ENPEP: variants seen among roughly 807,000 people sequenced by gnomAD.
ENPEP encodes the protein AP-A.
A neutral mutation model predicts 114.5 loss-of-function variants in ENPEP; 103 were observed. That is an observed-to-expected ratio of 0.90 (90% CI 0.77 to 1.06). The LOEUF (loss-of-function observed/expected upper bound fraction) is 1.06, where lower values mean the gene tolerates loss of function less well. Among genes scored for constraint, ENPEP ranks in the 50% least tolerant of loss-of-function variants. ENPEP has a pLI of 0.00. For synonymous variants in ENPEP, 420 were observed against 422.0 expected (o/e 1.00, Z 0.06); for missense variants, 1,196 against 1,161.3 (o/e 1.03, Z -0.43).
At chr4:110,477,407 C>G (rs1473462832) in intron 1 of ENPEP, among the ~76,000 whole-genome samples, 6 of 152,090 alleles carry the variant, frequency 3.9e-5, no homozygotes, top group African/African-American at 1.4e-4. Context: ...AGTGATATTC[C>G]CAGGCTATGT....
rs746607272 is a variant in ENPEP, at chr4:110,510,299, G to A, written c.1249G>A (p.Gly417Arg). 1.2e-5 allele frequency: 20 copies of A among 1,614,072 alleles called. 1 individual carries two copies. The Admixed American group carries it at 3.2e-4, about 26-fold the overall frequency. ...GTGGGAAGACTTGTGGCTAAATGAAGGATTTGCTTCTTTCTTTGAGTTTCT... is the reference window on the plus strand; with the variant it reads ...GTGGGAAGACTTGTGGCTAAATGAAAGATTTGCTTCTTTCTTTGAGTTTCT... ...DWWEDLWLNE[G>R]FASFFEFLGV... Residue 417 changes from glycine (G) to arginine (R), a missense_variant, in exon 6 of 20, where the codon GGA becomes AGA. Coordinates refer to ENST00000265162, the MANE Select transcript of ENPEP (RefSeq NM_001977.4).
At chr4:110,543,171 T>A in intron 13 of ENPEP, 101 bp downstream of exon 13, 1 of 1,116,872 alleles carries the variant, frequency 9.0e-7, no homozygotes, top group Non-Finnish European at 1.3e-6. Flanking sequence ...AATTTTAGCT[T>A]AAAATATCCA....
chr4:110,516,677 C>CACTT (rs1209557266), intron 8 of ENPEP, among the ~76,000 whole-genome samples: 1 of 152,216 alleles, frequency 6.6e-6, no homozygotes, highest in East Asian at 1.9e-4. Flanking sequence ...CTCTACACTA[C>CACTT]TCTAAAAGAA....
chr4:110,542,967 C>T (rs774598411), intron 12 of ENPEP, 48 bp from the exon 13 acceptor site: 5 of 1,610,014 alleles, frequency 3.1e-6, no homozygotes, highest in Non-Finnish European at 3.4e-6. Context: ...TTTCAACATG[C>T]TTTGCCTTAA....
At chr4:110,537,932 G>A (rs1726703205) in intron 11 of ENPEP, among the ~76,000 whole-genome samples, 1 of 152,128 alleles carries the variant, frequency 6.6e-6, no homozygotes, top group South Asian at 2.1e-4. Flanking sequence ...ATCTTTTTTG[G>A]TGAGCAGCAG....
chr4:110,480,551 G>A (rs1211458424), intron 1 of ENPEP, among the ~76,000 whole-genome samples: 2 of 152,224 alleles, frequency 1.3e-5, no homozygotes, highest in Admixed American at 6.5e-5. Flanking sequence ...AACGTAAAAT[G>A]TAACTCCAGG....
intron 1 of ENPEP, among the ~76,000 whole-genome samples, chr4:110,483,565 C>T (rs1213187691): frequency 2.0e-5 from 3 of 152,102 alleles, no homozygotes; most frequent in Non-Finnish European, 2.9e-5. Context: ...ATCTGATCCA[C>T]TCAGAGATGC....
chr4:110,497,870 A>C (rs534778288), intron 3 of ENPEP, among the ~76,000 whole-genome samples: 1 of 152,356 alleles, frequency 6.6e-6, no homozygotes, highest in African/African-American at 2.4e-5. Context: ...CTTTCAACTA[A>C]GTACCCTCCT....
At chr4:110,528,087 T>G (rs1726265384) in intron 10 of ENPEP, among the ~76,000 whole-genome samples, 1 of 152,234 alleles carries the variant, frequency 6.6e-6, no homozygotes, top group South Asian at 2.1e-4. Context: ...ACATTTATAC[T>G]GTCTTTAATA....
chr4:110,507,155 G>A (rs966106388), intron 4 of ENPEP, among the ~76,000 whole-genome samples: 3 of 152,068 alleles, frequency 2.0e-5, no homozygotes, highest in African/African-American at 7.2e-5. Context: ...AAAATAATAG[G>A]GATAAATGAT....
chr4:110,559,766 A>G (rs1727615889), intron 19 of ENPEP, 41 bp downstream of exon 19: 1 of 1,527,548 alleles, frequency 6.5e-7, no homozygotes, highest in African/African-American at 1.4e-5. Context: ...AAGAAGGAGC[A>G]GAATGAAACT....
intron 11 of ENPEP, among the ~76,000 whole-genome samples, chr4:110,539,577 A>C (rs1317230690): frequency 6.6e-6 from 1 of 152,120 alleles, no homozygotes; most frequent in East Asian, 1.9e-4. Flanking sequence ...AAATAAATTG[A>C]GATGGGGGTC....
intron 11 of ENPEP, among the ~76,000 whole-genome samples, chr4:110,540,075 A>T (rs1726795724): frequency 6.6e-6 from 1 of 152,166 alleles, no homozygotes; most frequent in Non-Finnish European, 1.5e-5. Context: ...TAACTCATTC[A>T]ATACTTTTTG....
intron 1 of ENPEP, 61 bp from the exon 2 acceptor site, chr4:110,488,480 G>C: frequency 1.3e-6 from 2 of 1,505,118 alleles, no homozygotes; most frequent in Non-Finnish European, 1.8e-6. Flanking sequence ...TAGGAATAGA[G>C]ACATAGGGGT....
At chr4:110,500,319 A>G (rs901028820) in intron 3 of ENPEP, among the ~76,000 whole-genome samples, 1 of 152,212 alleles carries the variant, frequency 6.6e-6, no homozygotes, top group African/African-American at 2.4e-5. Context: ...GTTAAAGCAG[A>G]TATGTCTTAC....
intron 3 of ENPEP, among the ~76,000 whole-genome samples, chr4:110,491,977 C>T (rs1434705959): frequency 6.6e-6 from 1 of 152,014 alleles, no homozygotes. Flanking sequence ...GGCCTTGGCC[C>T]CCTGAAGTGC....
At position 110,552,693 on chromosome 4, in the gene ENPEP, T is replaced by A. The variant is rs561262188; in HGVS notation, c.2502-622T>A. 1.5e-3 allele frequency among the ~76,000 whole-genome samples: 226 copies of A among 152,276 alleles called. 3 individuals carry two copies. The highest frequency in any genetic ancestry group is 0.014 in the Admixed American group (214 of 15,282). On this transcript the variant is annotated intron_variant, in intron 17 of 19. Transcript: ENST00000265162. ...TTCAATACAATATACACTTGTAAGATCTTGGGCTAGAAACGCTACTCTAGG... is the reference window on the plus strand; with the variant it reads ...TTCAATACAATATACACTTGTAAGAACTTGGGCTAGAAACGCTACTCTAGG...
chr4:110,510,466 G>A lies in ENPEP; in HGVS notation c.1308+108G>A, dbSNP rs1725533182. The A allele has an allele frequency of 5.5e-6, 5 of 911,860 alleles. No homozygotes were observed. The East Asian group carries it at 1.0e-4, about 19-fold the overall frequency. The allele number at this position is 911,860 out of a possible 1,614,324, so 56.5% of individuals were successfully genotyped here. Reference sequence around the variant, plus strand: ...CGAGTCAGATGGCAAGTACAGTGGTGAGCGGGGAATTCCACTGTGAGGATA... The same window carrying A: ...CGAGTCAGATGGCAAGTACAGTGGTAAGCGGGGAATTCCACTGTGAGGATA... On this transcript the variant is annotated intron_variant, in intron 6 of 19. Transcript: ENST00000265162.
At chr4:110,484,685 G>C (rs1335882059) in intron 1 of ENPEP, among the ~76,000 whole-genome samples, 6 of 149,378 alleles carry the variant, frequency 4.0e-5, no homozygotes, top group African/African-American at 1.5e-4. Flanking sequence ...GAGAAGGTGA[G>C]AAAAGGATTG....
Sources: gnomAD v4.1 joint callset for allele counts (sites outside exome capture counted in the v4.1 genomes callset) on GRCh38, gnomAD v4.1.1 for gene constraint, MANE v1.5 for transcripts, NCBI Gene and HGNC (gene_info 2026-07-23, HGNC 2026-07-21) for gene names.